AVEN: variants seen among roughly 807,000 people sequenced by gnomAD.
The protein encoded by AVEN is apoptosis and caspase activation inhibitor, also known as cell death regulator Aven.
A neutral mutation model predicts 38.1 loss-of-function variants in AVEN; 41 were observed. That is an observed-to-expected ratio of 1.08 (90% CI 0.84 to 1.40). The LOEUF is 1.40. AVEN is among the 40% of genes most tolerant of loss of function. The probability of loss-of-function intolerance (pLI) is 0.00; values close to 1 mark genes in which losing one functional copy is unlikely to be tolerated. For missense variants in AVEN, 605 were observed against 438.8 expected (o/e 1.38, Z -3.38); for synonymous variants, 206 against 171.8 (o/e 1.20, Z -1.56).
At chr15:33,927,628 G>A (rs1355009183) in intron 2 of AVEN, among the ~76,000 whole-genome samples, 1 of 152,106 alleles carries the variant, frequency 6.6e-6, no homozygotes, top group African/African-American at 2.4e-5. Flanking sequence ...GCCTTGGGAG[G>A]CCCAAGGCAC....
chr15:33,868,921 T>C (rs1457853013), intron 4 of AVEN, among the ~76,000 whole-genome samples: 2 of 152,168 alleles, frequency 1.3e-5, no homozygotes, highest in African/African-American at 2.4e-5. Flanking sequence ...CCCCCGGTGA[T>C]TGTAATACAA....
intron 2 of AVEN, among the ~76,000 whole-genome samples, chr15:33,917,447 T>TAC (rs1332793070): frequency 1.4e-5 from 2 of 147,924 alleles, no homozygotes; most frequent in Non-Finnish European, 3.0e-5. Context: ...CACACATATA[T>TAC]ACACACACAC....
At chr15:33,879,936 AAAT>A (rs1891414240) in intron 2 of AVEN, among the ~76,000 whole-genome samples, 1 of 152,200 alleles carries the variant, frequency 6.6e-6, no homozygotes, top group African/African-American at 2.4e-5. Flanking sequence ...TTTTCAATAA[AAAT>A]AAAAGCAAAC....
At position 33,866,704 on chromosome 15, in the gene AVEN, T is replaced by TCAGTCA; in HGVS notation, c.992_997dup (p.Val331_Thr332dup). ...TTGCTCAGGTTCCATGTTTTTTTCT[T>TCAGTCA]CAGTCACAGATGGTTTTGCACAAAC... On this transcript the variant is annotated inframe_insertion, in exon 6 of 6. Transcript: ENST00000306730. 1 of 1,614,014 alleles carries TCAGTCA rather than the reference T, an allele frequency of 6.2e-7. No homozygotes were observed. Among genetic ancestry groups the TCAGTCA allele is most frequent in the South Asian group, 1.1e-5 (1 of 91,068 alleles).
chr15:33,871,580 G>C (rs77453361), intron 3 of AVEN, among the ~76,000 whole-genome samples: 4,240 of 151,518 alleles, frequency 0.028, 199 homozygotes, highest in African/African-American at 0.096. Flanking sequence ...AAAAAAAAAA[G>C]ACTGTCCAGT....
chr15:33,951,526 C>A (rs1463357987), intron 2 of AVEN, among the ~76,000 whole-genome samples: 1 of 148,870 alleles, frequency 6.7e-6, no homozygotes, highest in Non-Finnish European at 1.5e-5. Flanking sequence ...CAAACCTGCA[C>A]GTTGTGCACA....
intron 2 of AVEN, among the ~76,000 whole-genome samples, chr15:33,983,704 T>C (rs1215864377): frequency 1.3e-5 from 2 of 152,154 alleles, no homozygotes; most frequent in Non-Finnish European, 2.9e-5. Flanking sequence ...CAGGACTTAG[T>C]GACTCGCTGC....
intron 2 of AVEN, among the ~76,000 whole-genome samples, chr15:33,937,477 G>C (rs1017896879): frequency 1.3e-5 from 2 of 151,434 alleles, no homozygotes; most frequent in Non-Finnish European, 2.9e-5. Flanking sequence ...AGCTTGCAGT[G>C]AGCCGAGATC....
At chr15:33,918,598 G>A (rs1015037160) in intron 2 of AVEN, among the ~76,000 whole-genome samples, 77 of 148,806 alleles carry the variant, frequency 5.2e-4, no homozygotes, top group African/African-American at 1.9e-3. Flanking sequence ...AGCCTCCTGC[G>A]CACACCACCA....
At chr15:34,062,877 T>C (rs775251308) in intron 5 of AVEN, 8 of 1,614,106 alleles carry the variant, frequency 5.0e-6, no homozygotes, top group African/African-American at 1.3e-5. Context: ...GGTCATGATC[T>C]CCTTCAAAGT....
chr15:33,943,480 T>C (rs1475613479), intron 2 of AVEN, among the ~76,000 whole-genome samples: 2 of 152,308 alleles, frequency 1.3e-5, no homozygotes, highest in East Asian at 3.9e-4. Context: ...AGATAGTGTA[T>C]AATACAGAGT....
At chr15:34,025,309 G>A (rs1898407583) in intron 1 of AVEN, among the ~76,000 whole-genome samples, 2 of 152,156 alleles carry the variant, frequency 1.3e-5, no homozygotes, top group African/African-American at 4.8e-5. Context: ...GGTAGAAAAG[G>A]AATTTACTAA....
chr15:33,924,250 G>A (rs1893525188), intron 2 of AVEN, among the ~76,000 whole-genome samples: 1 of 151,428 alleles, frequency 6.6e-6, no homozygotes, highest in African/African-American at 2.4e-5. Context: ...AATGCCTGTA[G>A]TCCCACCTAC....
intron 2 of AVEN, among the ~76,000 whole-genome samples, chr15:33,965,516 G>T (rs1255030604): frequency 1.3e-5 from 2 of 151,966 alleles, no homozygotes; most frequent in Non-Finnish European, 2.9e-5. Flanking sequence ...TCTAGGTATG[G>T]ACCAAATGTT....
In AVEN at chr15:33,925,050, C is replaced by T. The variant is rs1893561679; in HGVS notation, c.446-49055G>A. 2.0e-5 allele frequency among the ~76,000 whole-genome samples: 3 copies of T among 152,266 alleles called. No homozygotes were observed. The South Asian group carries it at 6.2e-4, about 32-fold the overall frequency. The stretch of plus-strand genomic sequence containing the variant: ...TCGCTTTAGGAAATATTTAATTATT[C>T]ATATCAAAATTAGAATTTAAACTCA... On this transcript the variant is annotated intron_variant, in intron 2 of 5. Coordinates refer to ENST00000306730, the MANE Select transcript of AVEN (RefSeq NM_020371.3).
At chr15:34,005,774 C>T (rs909461575) in intron 1 of AVEN, among the ~76,000 whole-genome samples, 1 of 152,200 alleles carries the variant, frequency 6.6e-6, no homozygotes, top group African/African-American at 2.4e-5. Flanking sequence ...CCTGAATCAA[C>T]TTTCATACAC....
At chr15:34,023,050 G>A (rs1334180271) in intron 1 of AVEN, among the ~76,000 whole-genome samples, 1 of 152,202 alleles carries the variant, frequency 6.6e-6, no homozygotes, top group Non-Finnish European at 1.5e-5. Context: ...AGCCTGGCGT[G>A]GTGGTGTGCG....
At chr15:33,963,983 C>A (rs1895295420) in intron 2 of AVEN, among the ~76,000 whole-genome samples, 1 of 151,860 alleles carries the variant, frequency 6.6e-6, no homozygotes, top group South Asian at 2.1e-4. Flanking sequence ...ATCTAAAAGA[C>A]TCCAGTCATT....
chr15:33,907,788 T>TA (rs796352918), intron 2 of AVEN, among the ~76,000 whole-genome samples: 6,194 of 107,658 alleles, frequency 0.058, 162 homozygotes, highest in Middle Eastern at 0.12. Context: ...TTCCCAGCAC[T>TA]AAAAAAAAAA....
Sources: allele counts gnomAD v4.1 joint callset (sites outside exome capture counted in the v4.1 genomes callset), GRCh38; gene constraint gnomAD v4.1.1; transcripts MANE v1.5; gene names NCBI Gene and HGNC (gene_info 2026-07-23, HGNC 2026-07-21).